PTPRD: variants seen among roughly 807,000 people sequenced by gnomAD.
PTPRD encodes the protein protein tyrosine phosphatase receptor type D.
Under a neutral mutation model 214.5 loss-of-function variants are expected in PTPRD, and 34 were observed. That is an observed-to-expected ratio of 0.16 (90% CI 0.12 to 0.21). The LOEUF is 0.21. PTPRD is among the 10% of genes least tolerant of loss of function. The probability of loss-of-function intolerance (pLI) is 1.00; values close to 1 mark genes in which losing one functional copy is unlikely to be tolerated. For missense variants in PTPRD, 2,545 were observed against 2,398.7 expected, an observed-to-expected ratio of 1.06 and a Z score of -1.27; for synonymous variants, 1,128 against 845.7, an observed-to-expected ratio of 1.33 and a Z score of -5.79.
intron 7 of PTPRD, among the ~76,000 whole-genome samples, chr9:9,580,649 A>T (rs2090503302): frequency 6.7e-6 from 1 of 150,338 alleles, no homozygotes; most frequent in Non-Finnish European, 1.5e-5. Flanking sequence ...CCATGATTCA[A>T]GCAATTCTCC....
At chr9:9,112,364 C>G (rs780464056) in intron 10 of PTPRD, among the ~76,000 whole-genome samples, 1 of 152,130 alleles carries the variant, frequency 6.6e-6, no homozygotes, top group African/African-American at 2.4e-5. Flanking sequence ...TTTTCCCCTC[C>G]TCTCCAGCCT....
At chr9:8,394,777 C>T (rs75447833) in intron 36 of PTPRD, among the ~76,000 whole-genome samples, 14,670 of 152,142 alleles carry the variant, frequency 0.096, 830 homozygotes, top group African/African-American at 0.16. Flanking sequence ...AAGCTGATTC[C>T]TATTGCTTCT....
intron 7 of PTPRD, among the ~76,000 whole-genome samples, chr9:9,662,627 T>A (rs1236265811): frequency 6.6e-6 from 1 of 151,638 alleles, no homozygotes; most frequent in Non-Finnish European, 1.5e-5. Flanking sequence ...AATACTTCGA[T>A]AGATTCTATA....
At chr9:8,862,575 T>A (rs1230842306) in intron 11 of PTPRD, among the ~76,000 whole-genome samples, 1 of 152,206 alleles carries the variant, frequency 6.6e-6, no homozygotes. Context: ...CTGTTCTGAT[T>A]CCACTACCCA....
chr9:9,806,479 G>C (rs1040126054), intron 5 of PTPRD, among the ~76,000 whole-genome samples: 1 of 151,986 alleles, frequency 6.6e-6, no homozygotes, highest in Non-Finnish European at 1.5e-5. Flanking sequence ...CCCCGCCCTT[G>C]TGAATGTACT....
intron 3 of PTPRD, among the ~76,000 whole-genome samples, chr9:10,038,990 G>A (rs2097246144): frequency 6.6e-6 from 1 of 151,938 alleles, no homozygotes; most frequent in African/African-American, 2.4e-5. Context: ...TGCTTACAGT[G>A]AGTCTAGGTA....
chr9:9,755,081 G>GAT (rs1054756341), intron 6 of PTPRD, among the ~76,000 whole-genome samples: 2 of 151,940 alleles, frequency 1.3e-5, no homozygotes, highest in African/African-American at 4.8e-5. Flanking sequence ...ATTTTGGGGA[G>GAT]ATATACAAGA....
chr9:9,838,439 T>C (rs545508010), intron 5 of PTPRD, among the ~76,000 whole-genome samples: 2 of 152,132 alleles, frequency 1.3e-5, no homozygotes, highest in Admixed American at 1.3e-4. Context: ...TGTTGTTTCC[T>C]GACTTTTTAA....
intron 5 of PTPRD, among the ~76,000 whole-genome samples, chr9:9,813,097 A>G (rs1013042563): frequency 1.3e-5 from 2 of 152,128 alleles, no homozygotes; most frequent in South Asian, 2.1e-4. Context: ...ATAAGGAGAC[A>G]AATGAAAAAG....
chr9:8,713,479 T>G, intron 12 of PTPRD: 1 of 1,125,256 alleles, frequency 8.9e-7, no homozygotes, highest in East Asian at 2.4e-5. Flanking sequence ...AATGAAGAAG[T>G]CTTCAGGGGA....
chr9:9,954,463 T>C (rs1016569091), intron 4 of PTPRD, among the ~76,000 whole-genome samples: 8 of 152,098 alleles, frequency 5.3e-5, no homozygotes, highest in African/African-American at 1.9e-4. Flanking sequence ...ATTATGAAAA[T>C]ACTTCTTGTA....
intron 11 of PTPRD, among the ~76,000 whole-genome samples, chr9:8,752,929 T>C (rs961030142): frequency 2.0e-5 from 3 of 152,182 alleles, no homozygotes; most frequent in Non-Finnish European, 4.4e-5. Context: ...AAGCTGACAA[T>C]ACAAAAGTGT....
intron 12 of PTPRD, among the ~76,000 whole-genome samples, chr9:8,667,272 G>C (rs1274606855): frequency 6.6e-6 from 1 of 152,212 alleles, no homozygotes; most frequent in African/African-American, 2.4e-5. Flanking sequence ...ACGGGACGCA[G>C]AAGTTGCAGT....
chr9:9,701,950 C>T (rs1258715706), intron 7 of PTPRD, among the ~76,000 whole-genome samples: 1 of 152,038 alleles, frequency 6.6e-6, no homozygotes, highest in Non-Finnish European at 1.5e-5. Context: ...GAAACTCCGT[C>T]TCTACTAAAA....
chr9:9,145,745 T>A (rs1457206751), intron 10 of PTPRD, among the ~76,000 whole-genome samples: 2 of 152,220 alleles, frequency 1.3e-5, no homozygotes, highest in Non-Finnish European at 2.9e-5. Flanking sequence ...AGAATAGAAC[T>A]GGATCTTGGT....
chr9:9,087,848 T>C (rs1014803438), intron 10 of PTPRD, among the ~76,000 whole-genome samples: 4 of 148,098 alleles, frequency 2.7e-5, no homozygotes, highest in East Asian at 2.0e-4. Context: ...TAGAACATAA[T>C]AATCTTATTT....
chr9:8,919,323 G>A (rs924592823), intron 11 of PTPRD, among the ~76,000 whole-genome samples: 1 of 151,236 alleles, frequency 6.6e-6, no homozygotes, highest in Non-Finnish European at 1.5e-5. Context: ...AACCTGGGGG[G>A]TGGAGGTGCA....
chr9:10,328,510 T>A (rs1288889347), intron 3 of PTPRD, among the ~76,000 whole-genome samples: 2 of 151,832 alleles, frequency 1.3e-5, no homozygotes, highest in Non-Finnish European at 2.9e-5. Context: ...TAGGAACTTG[T>A]TAGCAACTTA....
intron 10 of PTPRD, among the ~76,000 whole-genome samples, chr9:9,019,334 A>G (rs1204082774): frequency 7.4e-5 from 2 of 27,206 alleles, no homozygotes; most frequent in Admixed American, 7.4e-4. Flanking sequence ...GAAAGAAAGA[A>G]AGAACGAAAG....
Sources: allele counts gnomAD v4.1 joint callset (sites outside exome capture counted in the v4.1 genomes callset), GRCh38; gene constraint gnomAD v4.1.1; transcripts MANE v1.5; gene names NCBI Gene and HGNC (gene_info 2026-07-23, HGNC 2026-07-21).